The following MACC1 variants were observed in gnomAD, a reference collection of about 807,000 sequenced individuals.
The protein encoded by MACC1 is metastasis-associated in colon cancer protein 1.
MACC1 carries 79 observed loss-of-function variants against 70.7 expected under a neutral mutation model. That is an observed-to-expected ratio of 1.12 (90% CI 0.93 to 1.35). The LOEUF (loss-of-function observed/expected upper bound fraction) is 1.35. MACC1 is among the 40% of genes most tolerant of loss of function. The pLI is 0.00. For synonymous variants in MACC1, 361 were observed against 347.2 expected (o/e 1.04, Z -0.44); for missense variants, 1,106 against 978.1 (o/e 1.13, Z -1.74).
intron 6 of MACC1, chr7:20,153,302 C>T (rs541869629): frequency 3.3e-5 from 5 of 152,246 alleles, no homozygotes; most frequent in South Asian, 2.1e-4. Flanking sequence ...ATGGTTGCAT[C>T]GAAGCAAGAA....
intron 4 of MACC1, among the ~76,000 whole-genome samples, chr7:20,161,314 T>A (rs780880314): frequency 1.4e-4 from 22 of 152,094 alleles, no homozygotes; most frequent in Non-Finnish European, 2.2e-4. Flanking sequence ...AAGTGTTATA[T>A]GCTAAAAATT....
At chr7:20,177,720 GTTGT>G (rs1169224336) in intron 1 of MACC1, among the ~76,000 whole-genome samples, 2,753 of 88,184 alleles carry the variant, frequency 0.031, 87 homozygotes, top group African/African-American at 0.13. Context: ...AGCTGCCTTT[GTTGT>G]TTTTTTTTTT....
intron 1 of MACC1, among the ~76,000 whole-genome samples, chr7:20,174,306 T>C (rs1266056971): frequency 1.3e-5 from 2 of 152,118 alleles, no homozygotes; most frequent in African/African-American, 2.4e-5. Flanking sequence ...AACTTAAATA[T>C]TTCAGGGGAA....
intron 1 of MACC1, among the ~76,000 whole-genome samples, chr7:20,203,095 AG>A (rs1782856112): frequency 6.6e-6 from 1 of 152,194 alleles, no homozygotes; most frequent in Non-Finnish European, 1.5e-5. Flanking sequence ...AAATTTCCCC[AG>A]TTGGTCCCAT....
At chr7:20,207,227 GC>G (rs1562603512) in intron 1 of MACC1, among the ~76,000 whole-genome samples, 1 of 151,416 alleles carries the variant, frequency 6.6e-6, no homozygotes, top group African/African-American at 2.4e-5. Flanking sequence ...TGCAACCTCC[GC>G]CTCCTAGGTT....
chr7:20,174,453 T>C (rs960209950), intron 1 of MACC1, among the ~76,000 whole-genome samples: 1 of 152,160 alleles, frequency 6.6e-6, no homozygotes, highest in Non-Finnish European at 1.5e-5. Context: ...TATAAAAATA[T>C]AACTATATGG....
intron 1 of MACC1, among the ~76,000 whole-genome samples, chr7:20,177,024 G>T (rs118019653): frequency 6.6e-6 from 1 of 152,060 alleles, no homozygotes; most frequent in African/African-American, 2.4e-5. Flanking sequence ...AAATCTACAC[G>T]TGATAAAATG....
At chr7:20,209,325 C>A (rs866492955) in intron 1 of MACC1, among the ~76,000 whole-genome samples, 1 of 152,246 alleles carries the variant, frequency 6.6e-6, no homozygotes, top group Non-Finnish European at 1.5e-5. Context: ...TAGAAGTGGG[C>A]TGTACCCTGC....
intron 5 of MACC1, among the ~76,000 whole-genome samples, chr7:20,155,495 A>G (rs2128102129): frequency 6.6e-6 from 1 of 152,292 alleles, no homozygotes; most frequent in East Asian, 1.9e-4. Context: ...ATTGTACTCT[A>G]CTCACCTATT....
chr7:20,175,530 G>C (rs989841037), intron 1 of MACC1, among the ~76,000 whole-genome samples: 1 of 152,022 alleles, frequency 6.6e-6, no homozygotes. Context: ...ATTTTCAAAT[G>C]TATTGCAAAA....
intron 1 of MACC1, among the ~76,000 whole-genome samples, chr7:20,178,498 T>C (rs1782447769): frequency 6.6e-6 from 1 of 152,232 alleles, no homozygotes; most frequent in Admixed American, 6.5e-5. Flanking sequence ...TGGTGTTCTT[T>C]TGTAGGCAGT....
chr7:20,162,206 G>A lies in MACC1; in HGVS notation c.-8-336C>T, dbSNP rs150708231. Among the ~76,000 whole-genome samples the A allele has an allele frequency of 1.8e-3, 278 of 152,192 alleles. 1 individual carries two copies. The highest frequency in any genetic ancestry group is 6.4e-3 in the African/African-American group (268 of 41,558). On this transcript the variant is annotated intron_variant, in intron 3 of 6. Transcript: ENST00000400331. ...TAAGTAAATAAACATTTCCTGTTTG[G>A]CGATTGGAGGACTAAATATCACAAA...
At chr7:20,179,057 T>G (rs1308585428) in intron 1 of MACC1, among the ~76,000 whole-genome samples, 4 of 152,182 alleles carry the variant, frequency 2.6e-5, no homozygotes, top group Non-Finnish European at 4.4e-5. Context: ...TTATGAACTT[T>G]TATCTTCTTT....
intron 1 of MACC1, among the ~76,000 whole-genome samples, chr7:20,182,855 A>G (rs1782531482): frequency 6.6e-6 from 1 of 152,254 alleles, no homozygotes; most frequent in African/African-American, 2.4e-5. Flanking sequence ...AATATCTACA[A>G]TACACAATAT....
intron 1 of MACC1, among the ~76,000 whole-genome samples, chr7:20,183,317 A>C (rs1441150471): frequency 6.6e-6 from 1 of 152,214 alleles, no homozygotes; most frequent in Non-Finnish European, 1.5e-5. Context: ...GCAAGAAAAC[A>C]GGGACTTCAG....
At chr7:20,198,944 A>T (rs1470674880) in intron 1 of MACC1, among the ~76,000 whole-genome samples, 1 of 152,262 alleles carries the variant, frequency 6.6e-6, no homozygotes, top group Non-Finnish European at 1.5e-5. Context: ...CTGTGCAGAG[A>T]GAAAGGCTTG....
intron 1 of MACC1, among the ~76,000 whole-genome samples, chr7:20,209,436 C>G (rs1782963591): frequency 6.6e-6 from 1 of 152,342 alleles, no homozygotes; most frequent in Admixed American, 6.5e-5. Context: ...CATTCTGGAA[C>G]TTTATGGGTT....
At chr7:20,156,397 C>T (rs1399830796) in intron 5 of MACC1, among the ~76,000 whole-genome samples, 1 of 152,014 alleles carries the variant, frequency 6.6e-6, no homozygotes, top group Non-Finnish European at 1.5e-5. Flanking sequence ...TTATCATACC[C>T]CAAAATATAC....
chr7:20,198,965 T>C (rs573530877), intron 1 of MACC1, among the ~76,000 whole-genome samples: 7 of 152,336 alleles, frequency 4.6e-5, no homozygotes, highest in African/African-American at 9.6e-5. Flanking sequence ...TCTAAGTTAA[T>C]GTTACAAAAT....
Sources: allele counts gnomAD v4.1 joint callset (sites outside exome capture counted in the v4.1 genomes callset), GRCh38; gene constraint gnomAD v4.1.1; transcripts MANE v1.5; gene names NCBI Gene and HGNC (gene_info 2026-07-23, HGNC 2026-07-21).